Variants in KIF20B observed in about 807,000 individuals in gnomAD.
KIF20B encodes kinesin-like protein KIF20B.
KIF20B carries 188 observed loss-of-function variants against 232.5 expected under a neutral mutation model. The ratio of observed to expected loss-of-function variants is 0.81; its 90% CI spans 0.72 to 0.91. The LOEUF is 0.91. Among genes scored for constraint, KIF20B ranks in the 40% least tolerant of loss-of-function variants. KIF20B has a pLI of 0.00. For synonymous variants in KIF20B, 712 were observed against 683.0 expected (o/e 1.04, Z -0.66); for missense variants, 2,154 against 2,055.9 (o/e 1.05, Z -0.92).
chr10:89,714,523 C>G (rs1175465796), intron 7 of KIF20B, among the ~76,000 whole-genome samples: 2 of 151,652 alleles, frequency 1.3e-5, no homozygotes, highest in African/African-American at 4.8e-5. Context: ...TTCTATAGAC[C>G]TCTTCTTTGG....
intron 21 of KIF20B, 105 bp from the exon 22 acceptor site, chr10:89,743,703 G>A (rs1841852668): frequency 8.7e-6 from 6 of 686,122 alleles, no homozygotes; most frequent in Non-Finnish European, 1.4e-5. Context: ...CTTTTAGGCT[G>A]TAAAGGATGT....
chr10:89,752,190 G>A (rs1376981099), intron 24 of KIF20B, among the ~76,000 whole-genome samples: 1 of 152,012 alleles, frequency 6.6e-6, no homozygotes, highest in African/African-American at 2.4e-5. Context: ...CTGTATTTTG[G>A]TGGATGAAAT....
Position 89,774,061 on chromosome 10 carries a change from A to G in KIF20B, c.*13A>G, listed in dbSNP as rs776497227. The G allele has an allele frequency of 1.0e-5, 16 of 1,528,390 alleles. No homozygotes were observed. Among genetic ancestry groups the G allele is most frequent in the Non-Finnish European group, 1.4e-5 (16 of 1,118,834 alleles). 94.7% of individuals were successfully genotyped at this position (1,528,390 alleles called of 1,614,324 possible). ...AACAGCCAAATAAATCACTTATGGA[A>G]ATGTTTAATATAAATTTTATAGTCA... On this transcript the variant is annotated 3_prime_UTR_variant, in exon 33 of 33. Coordinates refer to ENST00000371728, the MANE Select transcript of KIF20B (RefSeq NM_001284259.2).
intron 5 of KIF20B, among the ~76,000 whole-genome samples, chr10:89,710,385 A>G (rs995525489): frequency 1.8e-4 from 28 of 151,868 alleles, no homozygotes; most frequent in Admixed American, 5.2e-4. Flanking sequence ...GTGCGCCACC[A>G]TGCCAAGCTA....
At chr10:89,740,112 A>G (rs11185864) in intron 21 of KIF20B, among the ~76,000 whole-genome samples, 46,965 of 151,906 alleles carry the variant, frequency 0.31, 8,172 homozygotes, top group African/African-American at 0.46. Flanking sequence ...ATCTCATGGT[A>G]GTTTTAATTT....
intron 21 of KIF20B, 115 bp downstream of exon 21, chr10:89,739,211 T>C: frequency 1.7e-6 from 2 of 1,178,320 alleles, no homozygotes; most frequent in Non-Finnish European, 1.2e-6. Context: ...TTTATAATTT[T>C]TCTTAAAATT....
intron 7 of KIF20B, 41 bp from the exon 8 acceptor site, chr10:89,714,914 C>G (rs757875891): frequency 1.6e-6 from 2 of 1,219,208 alleles, no homozygotes; most frequent in Non-Finnish European, 2.3e-6. Context: ...TAGTCAGTTG[C>G]TTACTTTCGT....
intron 17 of KIF20B, 79 bp downstream of exon 17, chr10:89,727,975 T>C: frequency 7.9e-7 from 1 of 1,272,202 alleles, no homozygotes; most frequent in Non-Finnish European, 1.1e-6. Context: ...GATTTGTTTA[T>C]TTTAAAAAAT....
At position 89,732,947 on chromosome 10, in the gene KIF20B, T is replaced by G; in HGVS notation, c.2436T>G (p.Ile812Met). The G allele has an allele frequency of 6.2e-7, 1 of 1,608,924 alleles. No homozygotes were observed. Among genetic ancestry groups the G allele is most frequent in the East Asian group, 2.2e-5 (1 of 44,782 alleles). The change falls in exon 19 of 33, where the codon ATT becomes ATG. Residue 812 changes from isoleucine (I) to methionine (M), a missense_variant. Transcript: ENST00000371728. Reference protein sequence around the residue: ...TSSLIINNKLICNETVEVPKD... With the variant: ...TSSLIINNKLMCNETVEVPKD... ...CTTTAATAATAAACAATAAATTGAT[T>G]TGTAATGAAACAGTTGAAGTACCTA... is the stretch of plus-strand genomic sequence containing the variant.
chr10:89,760,600 A>G lies in KIF20B; in HGVS notation c.4755A>G (p.Leu1585=), dbSNP rs781551084. 10 of 1,612,058 alleles carry G rather than the reference A, an allele frequency of 6.2e-6. No individual in the cohort carries two copies. In the African/African-American group the frequency reaches 6.7e-5, roughly 11 times the overall value. The change falls in exon 28 of 33, where the codon CTA becomes CTG. Residue 1585 remains leucine (L), a synonymous_variant. Coordinates refer to ENST00000371728, the MANE Select transcript of KIF20B (RefSeq NM_001284259.2). ...CTGACAAACTTCAAACTGAACCTCT[A>G]TCGACAAGTTTTGAAATTTCCAGAA... The part of the protein sequence containing the change: ...ADPDKLQTEP[L]STSFEISRNK...
At chr10:89,768,171 C>CT in intron 29 of KIF20B, 119 bp from the exon 30 acceptor site, 1 of 657,394 alleles carries the variant, frequency 1.5e-6, no homozygotes, top group Non-Finnish European at 2.6e-6. Context: ...CAAAATTGCC[C>CT]TCGGTTAAGA....
intron 31 of KIF20B, among the ~76,000 whole-genome samples, chr10:89,769,107 C>A (rs1247247739): frequency 6.6e-6 from 1 of 151,782 alleles, no homozygotes; most frequent in Non-Finnish European, 1.5e-5. Context: ...GTAACTGATC[C>A]AGAGCAGGCT....
intron 5 of KIF20B, 128 bp downstream of exon 5, chr10:89,710,193 T>A: frequency 2.6e-6 from 2 of 760,384 alleles, no homozygotes; most frequent in Non-Finnish European, 4.0e-6. Flanking sequence ...TTAATAGTAC[T>A]AGCATATTAT....
At chr10:89,734,199 C>A (rs1841591906) in intron 19 of KIF20B, among the ~76,000 whole-genome samples, 1 of 152,010 alleles carries the variant, frequency 6.6e-6, no homozygotes, top group South Asian at 2.1e-4. Flanking sequence ...TCCCTGAGGT[C>A]AGGAGTTTGA....
At chr10:89,762,472 G>A (rs1390765240) in intron 28 of KIF20B, among the ~76,000 whole-genome samples, 166 bp from the exon 29 acceptor site, 1 of 152,186 alleles carries the variant, frequency 6.6e-6, no homozygotes, top group Non-Finnish European at 1.5e-5. Context: ...GTGTGAGCCT[G>A]AAGAAAGTAG....
intron 24 of KIF20B, among the ~76,000 whole-genome samples, 172 bp downstream of exon 24, chr10:89,751,643 G>A (rs997605926): frequency 1.3e-5 from 2 of 148,930 alleles, no homozygotes; most frequent in Non-Finnish European, 3.0e-5. Flanking sequence ...GATGAAAATT[G>A]TTTCACTAAA....
chr10:89,732,458 A>C (rs1159112179), intron 18 of KIF20B, among the ~76,000 whole-genome samples: 1 of 145,602 alleles, frequency 6.9e-6, no homozygotes, highest in Non-Finnish European at 1.5e-5. Flanking sequence ...GTCTGCCTTA[A>C]AAAAAAAAAA....
At chr10:89,724,159 G>T (rs1843126488) in intron 14 of KIF20B, 56 bp downstream of exon 14, 27 of 1,059,068 alleles carry the variant, frequency 2.5e-5, no homozygotes, top group Non-Finnish European at 3.0e-5. Flanking sequence ...TAGTTTTTTA[G>T]TTTTTTTTTT....
In KIF20B at chr10:89,710,039, A is replaced by G. The variant is rs1842805333; in HGVS notation, c.464A>G (p.Asn155Ser). The G allele has an allele frequency of 6.2e-7, 1 of 1,608,346 alleles. No individual in the cohort carries two copies. The highest frequency in any genetic ancestry group is 8.5e-7 in the Non-Finnish European group (1 of 1,177,720). ...SRLIFTYGLT[N>S]SGKTYTFQGT... ...CTGATTTTTACTTACGGGCTAACCA[A>G]TTCAGGAAAAACATATACATTTCAA... Residue 155 changes from asparagine to serine, a missense_variant, in exon 5 of 33, where the codon AAT (asparagine) becomes AGT (serine). By Grantham distance (46) the Asn-to-Ser change is conservative. Transcript: ENST00000371728.
Sources: gnomAD v4.1 joint callset for allele counts (sites outside exome capture counted in the v4.1 genomes callset) on GRCh38, gnomAD v4.1.1 for gene constraint, MANE v1.5 for transcripts, NCBI Gene and HGNC (gene_info 2026-07-23, HGNC 2026-07-21) for gene names.